MRPL22: variants seen among roughly 807,000 people sequenced by gnomAD.
MRPL22 encodes the protein mitochondrial ribosomal protein L22.
A neutral mutation model predicts 32.4 loss-of-function variants in MRPL22; 27 were observed. The ratio of observed to expected loss-of-function variants is 0.83; its 90% CI spans 0.61 to 1.15. MRPL22 has a LOEUF of 1.15. Among genes scored for constraint, MRPL22 ranks in the 50% most tolerant of loss-of-function variants. The probability of loss-of-function intolerance (pLI) is 0.00; values close to 1 mark genes in which losing one functional copy is unlikely to be tolerated. For missense variants in MRPL22, 239 were observed against 260.2 expected, an observed-to-expected ratio of 0.92 and a Z score of 0.56; for synonymous variants, 86 against 87.3, an observed-to-expected ratio of 0.99 and a Z score of 0.08.
chr5:154,950,876 T>C lies in MRPL22; in HGVS notation c.133T>C (p.Trp45Arg). 1 of 1,613,906 alleles carries C rather than the reference T, an allele frequency of 6.2e-7. No individual in the cohort carries two copies. Among genetic ancestry groups the C allele is most frequent in the Non-Finnish European group, 8.5e-7 (1 of 1,179,830 alleles). ...TGCTTCTCTTGACATTTCTCGAAAA[T>C]GGGAGAAGAAGAATAAAATTGTTTA... ...TSASLDISRK[W>R]EKKNKIVYPP... The change falls in exon 3 of 7, where the codon TGG becomes CGG. Residue 45 changes from tryptophan to arginine, a missense_variant. By Grantham distance (101) the Trp-to-Arg change is moderately radical. Coordinates refer to ENST00000523037, the MANE Select transcript of MRPL22 (RefSeq NM_014180.4).
chr5:154,946,092 A>G lies in MRPL22; in HGVS notation c.78-4729A>G, dbSNP rs190969200. Among the ~76,000 whole-genome samples the G allele has an allele frequency of 3.9e-3, 601 of 152,264 alleles. 1 individual carries two copies. Among genetic ancestry groups the G allele is most frequent in the Non-Finnish European group, 7.3e-3 (496 of 68,034 alleles). ...GTATGTTTAATTTATGAAGCAACAT[A>G]TTTAATTCACCAAATATGTATTGAA... On this transcript the variant is annotated intron_variant, in intron 2 of 6. Coordinates refer to ENST00000523037, the MANE Select transcript of MRPL22 (RefSeq NM_014180.4).
At chr5:154,951,090 T>C in intron 3 of MRPL22, 152 bp downstream of exon 3, 2 of 617,484 alleles carry the variant, frequency 3.2e-6, no homozygotes. Context: ...CTTCAATAGT[T>C]GAAAAAGATT....
chr5:154,968,389 G>A lies in MRPL22; in HGVS notation c.*1492G>A, dbSNP rs1764798320. ...ATATTAAAAGGTAACCTTCATTCTA[G>A]TCTGTGCATTCTCATTAGCCAGAAA... On this transcript the variant is annotated 3_prime_UTR_variant, in exon 7 of 7. Coordinates refer to ENST00000523037, the MANE Select transcript of MRPL22 (RefSeq NM_014180.4). The A allele has an allele frequency of 6.6e-6, 1 of 152,214 alleles. No individual in the cohort carries two copies. Among genetic ancestry groups the A allele is most frequent in the Non-Finnish European group, 1.5e-5 (1 of 68,046 alleles). 9.4% of individuals were successfully genotyped at this position (152,214 alleles called of 1,614,324 possible).
Position 154,944,438 on chromosome 5 carries a change from G to C in MRPL22, c.77+3173G>C, listed in dbSNP as rs116492497. ...GGCATATCCTCTTAAGCTTTCCTCA[G>C]TTTCCAACCATGTGTAAAATTTTGG... On this transcript the variant is annotated intron_variant, in intron 2 of 6. Coordinates refer to ENST00000523037, the MANE Select transcript of MRPL22 (RefSeq NM_014180.4). 5.2e-3 allele frequency among the ~76,000 whole-genome samples: 787 copies of C among 152,230 alleles called. 5 individuals are homozygous for C. The highest frequency in any genetic ancestry group is 0.018 in the African/African-American group (739 of 41,530).
chr5:154,960,689 G>A (rs935080042), intron 6 of MRPL22, among the ~76,000 whole-genome samples: 1 of 152,180 alleles, frequency 6.6e-6, no homozygotes, highest in African/African-American at 2.4e-5. Context: ...CAAATGTAAG[G>A]AATCTTTTTG....
intron 6 of MRPL22, among the ~76,000 whole-genome samples, chr5:154,964,799 A>G (rs1229278689): frequency 6.6e-6 from 1 of 152,102 alleles, no homozygotes; most frequent in Non-Finnish European, 1.5e-5. Flanking sequence ...ATTGTGATCT[A>G]GTGATCCATT....
At chr5:154,952,944 A>C (rs1373328173) in intron 3 of MRPL22, among the ~76,000 whole-genome samples, 2 of 152,336 alleles carry the variant, frequency 1.3e-5, no homozygotes, top group Admixed American at 1.3e-4. Context: ...GAATGTTACC[A>C]ATGTAGAGTT....
intron 2 of MRPL22, among the ~76,000 whole-genome samples, chr5:154,950,055 C>T (rs566997434): frequency 6.6e-6 from 1 of 152,174 alleles, no homozygotes; most frequent in Non-Finnish European, 1.5e-5. Context: ...TTGATTGACT[C>T]ACAGTTCTGC....
intron 5 of MRPL22, 93 bp downstream of exon 5, chr5:154,957,305 T>C: frequency 9.5e-7 from 1 of 1,056,864 alleles, no homozygotes; most frequent in Non-Finnish European, 1.4e-6. Context: ...AATCATGAAT[T>C]CCCTAAATTT....
rs1764795403 is a variant in MRPL22 at position 154,968,245 on chromosome 5, A to G, written c.*1348A>G. On this transcript the variant is annotated 3_prime_UTR_variant, in exon 7 of 7. Transcript: ENST00000523037. ...TACAGCTGGGTTTTTGTGTCTCTCC[A>G]GTTAACCTAATGCATGGGTAAAAAG... 6.6e-6 allele frequency: 1 copy of G among 152,216 alleles called. No individual in the cohort carries two copies. The highest frequency in any genetic ancestry group is 1.5e-5 in the Non-Finnish European group (1 of 68,044). 9.4% of individuals were successfully genotyped at this position (152,216 alleles called of 1,614,324 possible). A position where few individuals can be genotyped will look rare whatever the true frequency, so the allele number is the denominator to read the frequency against.
Position 154,954,973 on chromosome 5 carries a change from A to G in MRPL22, c.196-1398A>G, listed in dbSNP as rs541968749. 2.7e-5 allele frequency among the ~76,000 whole-genome samples: 4 copies of G among 148,188 alleles called. No individual in the cohort carries two copies. The South Asian group carries it at 6.4e-4, about 24-fold the overall frequency. ...TGCCCGGCTAATTTTTTTTTTTTGT[A>G]TTTTTAGTAGAGACGGGGTTTCACC... On this transcript the variant is annotated intron_variant, in intron 3 of 6. Transcript: ENST00000523037.
Position 154,956,282 on chromosome 5 carries a change from T to G in MRPL22, c.196-89T>G, listed in dbSNP as rs142721489. 1,583 of 852,882 alleles carry G rather than the reference T, an allele frequency of 1.9e-3. 21 individuals are homozygous for G. In the African/African-American group the frequency reaches 0.024, roughly 13 times the overall value. 52.8% of individuals were successfully genotyped at this position (852,882 alleles called of 1,614,324 possible). ...CAGCATTTTCTTTAGGCCTAGAAAG[T>G]AAAAACTTAAATAACAGTATATGTT... On this transcript the variant is annotated intron_variant, in intron 3 of 6. Transcript: ENST00000523037.
Position 154,957,148 on chromosome 5 carries a change from C to G in MRPL22, c.275C>G (p.Ser92Cys), listed in dbSNP as rs780665140. 1.9e-6 allele frequency: 3 copies of G among 1,613,034 alleles called. No homozygotes were observed. The highest frequency in any genetic ancestry group is 3.3e-5 in the Admixed American group (2 of 59,998). ...CTTTAATTCTAGATACGAGGAATGT[C>G]TATTGACCAGGCTTTGGCTCAGTTG... ...WYLAKLIRGM[S>C]IDQALAQLEF... is the part of the protein sequence containing the mutation. Residue 92 changes from serine to cysteine, a missense_variant, in exon 5 of 7, where the codon TCT (serine) becomes TGT (cysteine). By Grantham distance (112) the Ser-to-Cys change is moderately radical. Coordinates refer to ENST00000523037, the MANE Select transcript of MRPL22 (RefSeq NM_014180.4).
chr5:154,952,470 G>A (rs1764576543), intron 3 of MRPL22, among the ~76,000 whole-genome samples: 1 of 152,164 alleles, frequency 6.6e-6, no homozygotes, highest in South Asian at 2.1e-4. Context: ...ACAAGTGCCT[G>A]TGGGAAGACA....
chr5:154,950,447 T>G (rs1434903091), intron 2 of MRPL22, among the ~76,000 whole-genome samples: 3 of 152,208 alleles, frequency 2.0e-5, no homozygotes, highest in Non-Finnish European at 4.4e-5. Flanking sequence ...GTTTTTGTCT[T>G]AGTTACTCAA....
At chr5:154,965,464 C>T (rs1365167339) in intron 6 of MRPL22, among the ~76,000 whole-genome samples, 8 of 147,754 alleles carry the variant, frequency 5.4e-5, no homozygotes, top group Non-Finnish European at 1.0e-4. Flanking sequence ...CTTGCACTGT[C>T]ACCCGGGCTG....
Position 154,967,202 on chromosome 5 carries a change from C to G in MRPL22, c.*305C>G. ...TTTCCAACTAGTGTCCTGCAGGTGG[C>G]TGTTTTGATACTGGACTTGAATACA... On this transcript the variant is annotated 3_prime_UTR_variant, in exon 7 of 7. Coordinates refer to ENST00000523037, the MANE Select transcript of MRPL22 (RefSeq NM_014180.4). The surrounding 1 kb of genome is among the most constrained non-coding windows in gnomAD (Gnocchi z 4.7). 1 of 337,080 alleles carries G rather than the reference C, an allele frequency of 3.0e-6. No individual in the cohort carries two copies. The highest frequency in any genetic ancestry group is 3.4e-5 in the South Asian group (1 of 29,582). 20.9% of individuals were successfully genotyped at this position (337,080 alleles called of 1,614,324 possible).
At chr5:154,964,767 G>A (rs774428176) in intron 6 of MRPL22, among the ~76,000 whole-genome samples, 2 of 152,168 alleles carry the variant, frequency 1.3e-5, no homozygotes, top group African/African-American at 2.4e-5. Flanking sequence ...GGGAGCCGAC[G>A]TAGACCGTGA....
intron 4 of MRPL22, chr5:154,956,931 A>T (rs577006622): frequency 1.9e-6 from 1 of 532,760 alleles, no homozygotes; most frequent in African/African-American, 1.9e-5. Flanking sequence ...AACTATTATA[A>T]TCTCAGTTTT....
Sources: gnomAD v4.1 joint callset for allele counts (sites outside exome capture counted in the v4.1 genomes callset) on GRCh38, gnomAD v4.1.1 for gene constraint, Gnocchi (gnomAD v3.1) non-coding constraint, MANE v1.5 for transcripts, NCBI Gene and HGNC (gene_info 2026-07-23, HGNC 2026-07-21) for gene names.